Variants in MACROD2 observed in about 807,000 individuals in gnomAD.
MACROD2 encodes the protein ADP-ribose glycohydrolase MACROD2.
Under a neutral mutation model 70.4 loss-of-function variants are expected in MACROD2, and 36 were observed. That is an observed-to-expected ratio of 0.51 (90% CI 0.39 to 0.68). The LOEUF (loss-of-function observed/expected upper bound fraction) is 0.68, where lower values mean the gene tolerates loss of function less well. MACROD2 is among the 30% of genes least tolerant of loss of function. The probability of loss-of-function intolerance (pLI) is 0.00; values close to 1 mark genes in which losing one functional copy is unlikely to be tolerated. For synonymous variants in MACROD2, 172 were observed against 178.8 expected, an observed-to-expected ratio of 0.96 and a Z score of 0.30; for missense variants, 496 against 538.4, an observed-to-expected ratio of 0.92 and a Z score of 0.78.
intron 5 of MACROD2, among the ~76,000 whole-genome samples, chr20:14,718,000 G>A (rs932811593): frequency 2.0e-5 from 3 of 152,036 alleles, no homozygotes; most frequent in African/African-American, 7.2e-5. Context: ...ACACACGTCT[G>A]TGAATGTATA....
chr20:15,361,449 C>G (rs148560796), intron 6 of MACROD2, among the ~76,000 whole-genome samples: 1,573 of 152,248 alleles, frequency 0.01, 36 homozygotes, highest in African/African-American at 0.036. Flanking sequence ...GTCAATACCA[C>G]AGAGTTTTGA....
chr20:15,959,855 TA>T (rs11475715), intron 12 of MACROD2, among the ~76,000 whole-genome samples: 9,045 of 150,800 alleles, frequency 0.06, 426 homozygotes, highest in East Asian at 0.24. Context: ...GTACTATTTG[TA>T]AAAAAAAACA....
chr20:15,501,123 C>T (rs1260414106), intron 8 of MACROD2, among the ~76,000 whole-genome samples: 5 of 152,202 alleles, frequency 3.3e-5, no homozygotes, highest in South Asian at 2.1e-4. Flanking sequence ...ACTCACTGGA[C>T]GTTCCTCATT....
chr20:15,233,964 TA>T (rs1247688809), intron 6 of MACROD2, among the ~76,000 whole-genome samples: 3 of 59,340 alleles, frequency 5.1e-5, no homozygotes, highest in African/African-American at 7.3e-5. Flanking sequence ...CCAAAAAATT[TA>T]TTTTTATATA....
At chr20:14,382,383 T>C (rs1486679095) in intron 3 of MACROD2, among the ~76,000 whole-genome samples, 5 of 151,502 alleles carry the variant, frequency 3.3e-5, no homozygotes, top group Non-Finnish European at 7.4e-5. Context: ...GAAAGGTTAA[T>C]CTGGGCCAGG....
At chr20:14,786,617 G>A (rs1169804691) in intron 5 of MACROD2, among the ~76,000 whole-genome samples, 1 of 151,998 alleles carries the variant, frequency 6.6e-6, no homozygotes, top group Non-Finnish European at 1.5e-5. Context: ...TGGAGACTAG[G>A]AGGTCCAAGG....
intron 8 of MACROD2, among the ~76,000 whole-genome samples, chr20:15,738,260 A>T (rs2051054417): frequency 6.6e-6 from 1 of 152,232 alleles, no homozygotes. Context: ...TTCTGATATG[A>T]TTATTACGCA....
At chr20:15,348,124 C>T (rs2078186912) in intron 6 of MACROD2, among the ~76,000 whole-genome samples, 1 of 152,206 alleles carries the variant, frequency 6.6e-6, no homozygotes, top group Non-Finnish European at 1.5e-5. Flanking sequence ...ATGGTTGCCA[C>T]ATCCTGGCCT....
chr20:14,358,615 T>C (rs4384860), intron 3 of MACROD2, among the ~76,000 whole-genome samples: 91,840 of 151,852 alleles, frequency 0.6, 29,523 homozygotes, highest in Non-Finnish European at 0.72. Flanking sequence ...CACCACCACG[T>C]CTGGCTAATT....
chr20:14,728,163 C>T (rs1053436579), intron 5 of MACROD2, among the ~76,000 whole-genome samples: 15 of 152,016 alleles, frequency 9.9e-5, no homozygotes, highest in Non-Finnish European at 5.9e-5. Flanking sequence ...TATTTCAGAT[C>T]GGAAGAAAAT....
chr20:15,560,547 G>A (rs1342157664), intron 8 of MACROD2, among the ~76,000 whole-genome samples: 1 of 151,858 alleles, frequency 6.6e-6, no homozygotes, highest in African/African-American at 2.4e-5. Flanking sequence ...AAGATAACTT[G>A]AGGTCAGGAG....
At chr20:14,780,158 C>T (rs1408535181) in intron 5 of MACROD2, among the ~76,000 whole-genome samples, 2 of 152,044 alleles carry the variant, frequency 1.3e-5, no homozygotes, top group African/African-American at 2.4e-5. Context: ...ACCGGGAATT[C>T]GAGTCCAGTT....
At chr20:15,749,420 G>A (rs2051234426) in intron 8 of MACROD2, among the ~76,000 whole-genome samples, 1 of 151,860 alleles carries the variant, frequency 6.6e-6, no homozygotes, top group South Asian at 2.1e-4. Context: ...GTTCCAAATA[G>A]AATATTAATT....
At chr20:14,524,124 G>T (rs2085202056) in intron 4 of MACROD2, among the ~76,000 whole-genome samples, 1 of 152,144 alleles carries the variant, frequency 6.6e-6, no homozygotes, top group African/African-American at 2.4e-5. Flanking sequence ...GAAAGCAAAA[G>T]GGAACGGTAT....
intron 9 of MACROD2, among the ~76,000 whole-genome samples, chr20:15,865,343 C>T (rs986659345): frequency 2.0e-5 from 3 of 151,540 alleles, no homozygotes; most frequent in East Asian, 1.9e-4. Context: ...TATTACAGTT[C>T]AATAATAATG....
chr20:15,568,603 A>G (rs1177589581), intron 8 of MACROD2, among the ~76,000 whole-genome samples: 1 of 152,182 alleles, frequency 6.6e-6, no homozygotes, highest in East Asian at 1.9e-4. Flanking sequence ...AGTGATGCAT[A>G]TTACTCATGC....
chr20:15,541,687 T>C (rs1321299426), intron 8 of MACROD2, among the ~76,000 whole-genome samples: 1 of 152,228 alleles, frequency 6.6e-6, no homozygotes, highest in Non-Finnish European at 1.5e-5. Flanking sequence ...GAAAACATTC[T>C]TGTGAAAACA....
At chr20:14,874,920 G>A (rs887164489) in intron 5 of MACROD2, among the ~76,000 whole-genome samples, 10 of 151,630 alleles carry the variant, frequency 6.6e-5, no homozygotes, top group Non-Finnish European at 1.3e-4. Context: ...GACCAGGCTG[G>A]TCTCAAACTC....
intron 5 of MACROD2, among the ~76,000 whole-genome samples, chr20:14,718,440 A>G (rs537232743): frequency 2.4e-4 from 36 of 152,154 alleles, no homozygotes; most frequent in Non-Finnish European, 3.1e-4. Context: ...AAGCTAGTCA[A>G]CAGGTGGGGG....
Sources: allele counts gnomAD v4.1 joint callset (sites outside exome capture counted in the v4.1 genomes callset), GRCh38; gene constraint gnomAD v4.1.1; transcripts MANE v1.5; gene names NCBI Gene and HGNC (gene_info 2026-07-23, HGNC 2026-07-21).